Variants in CD72 observed in about 807,000 individuals in gnomAD.
The protein encoded by CD72 is B-cell differentiation antigen CD72.
A neutral mutation model predicts 50.7 loss-of-function variants in CD72; 28 were observed. The observed-to-expected ratio is 0.55, with a 90% CI of 0.41 to 0.76. The LOEUF (loss-of-function observed/expected upper bound fraction) is 0.76, where lower values mean the gene tolerates loss of function less well. Among genes scored for constraint, CD72 ranks in the 30% least tolerant of loss-of-function variants. The pLI is 0.00. For synonymous variants in CD72, 176 were observed against 171.2 expected, an observed-to-expected ratio of 1.03 and a Z score of -0.22; for missense variants, 403 against 420.6, an observed-to-expected ratio of 0.96 and a Z score of 0.37.
chr9:35,616,252 G>C lies in CD72; in HGVS notation c.379C>G (p.Gln127Glu), dbSNP rs779598765. 3 of 1,613,798 alleles carry C rather than the reference G, an allele frequency of 1.9e-6. No homozygotes were observed. The South Asian group carries it at 3.3e-5, about 18-fold the overall frequency. ...GTGACTTCCAGAACCCTGTTCGTCT[G>C]CTGGAGCTGCTGAGACACCTGCAGA... ...RYLQVSQQLQQTNRVLEVTNS... is the reference protein window; with the variant it reads ...RYLQVSQQLQETNRVLEVTNS... Residue 127 changes from glutamine to glutamate, a missense_variant, in exon 5 of 9, where the codon CAG (glutamine) becomes GAG (glutamate). Gln to Glu is a conservative substitution (Grantham distance 29, BLOSUM62 2). Transcript: ENST00000259633.
intron 1 of CD72, among the ~76,000 whole-genome samples, chr9:35,645,060 G>T (rs1199370812): frequency 1.3e-5 from 2 of 150,370 alleles, no homozygotes; most frequent in African/African-American, 4.8e-5. Context: ...TAAGCCGGGG[G>T]TGGTGGAGCA....
intron 1 of CD72, among the ~76,000 whole-genome samples, chr9:35,644,051 A>AT (rs1823363991): frequency 6.6e-6 from 1 of 151,868 alleles, no homozygotes; most frequent in Non-Finnish European, 1.5e-5. Context: ...GGAAAAAAAA[A>AT]AAAAAGAAAG....
At chr9:35,641,546 C>T (rs1336483707) in intron 1 of CD72, among the ~76,000 whole-genome samples, 1 of 152,110 alleles carries the variant, frequency 6.6e-6, no homozygotes, top group African/African-American at 2.4e-5. Context: ...CATTGGTTAG[C>T]TGCAGGCATA....
At chr9:35,619,000 A>C (rs1170046416), upstream of CD72, 1 of 296,530 alleles carries the variant, frequency 3.4e-6, no homozygotes, top group East Asian at 9.7e-5. Flanking sequence ...GGGCTTAAGA[A>C]GGCTGCAGCT....
In CD72 at chr9:35,637,889, T is replaced by C. The variant is rs188724303; in HGVS notation, n.408+8514A>G. Among the ~76,000 whole-genome samples the C allele has an allele frequency of 1.9e-4, 29 of 152,214 alleles. No individual in the cohort carries two copies. The East Asian group carries it at 3.9e-3, about 20-fold the overall frequency. ...CGTGTCTCTACCTTTCTCTTTAAAC[T>C]TACCTCCTTCACTATGGGCAACCTT... On this transcript the variant is annotated intron_variant and non_coding_transcript_variant, in intron 1 of 3. Coordinates refer to the CD72 transcript ENST00000465754.
upstream of CD72, among the ~76,000 whole-genome samples, chr9:35,619,735 G>T (rs1823126828): frequency 6.6e-6 from 1 of 152,218 alleles, no homozygotes. Context: ...GAGGTGAGCG[G>T]CTATGTCAGA....
chr9:35,645,199 CAAAAAAAA>C (rs539705878), intron 1 of CD72, among the ~76,000 whole-genome samples: 1 of 95,142 alleles, frequency 1.1e-5, no homozygotes, highest in African/African-American at 5.1e-5. Context: ...AACTCCGTCT[CAAAAAAAA>C]AAAAAAAAAG....
intron 6 of CD72, 152 bp downstream of exon 6, chr9:35,612,696 G>C: frequency 1.4e-6 from 1 of 715,950 alleles, no homozygotes; most frequent in Non-Finnish European, 2.4e-6. Context: ...TTGTTTCCAA[G>C]CTCAGAGGTC....
upstream of CD72, among the ~76,000 whole-genome samples, chr9:35,623,233 T>G (rs570830658): frequency 6.6e-5 from 10 of 152,368 alleles, no homozygotes; most frequent in South Asian, 2.1e-3. Flanking sequence ...GGTTAACAAT[T>G]GTTTATGTAA....
chr9:35,616,187 C>A lies in CD72; in HGVS notation c.444G>T (p.Thr148=). The change falls in exon 5 of 9, where the codon ACG becomes ACT. Residue 148 remains threonine, a synonymous_variant. Transcript: ENST00000259633. ...GATCCTCTGCACTCTGTCCCAGCTG[C>A]GTTATCTTGAGGCGGAGCTGCTGCC... ...SLRQQLRLKI[T]QLGQSAEDLQ... 2 of 1,614,152 alleles carry A rather than the reference C, an allele frequency of 1.2e-6. No homozygotes were observed. The highest frequency in any genetic ancestry group is 1.3e-5 in the African/African-American group (1 of 75,050).
chr9:35,617,523 C>T (rs1245859248), intron 2 of CD72, among the ~76,000 whole-genome samples: 1 of 152,078 alleles, frequency 6.6e-6, no homozygotes, highest in African/African-American at 2.4e-5. Context: ...TCTGTCGGCT[C>T]CAAACCCTCT....
At chr9:35,639,191 T>A (rs1823317833) in intron 1 of CD72, among the ~76,000 whole-genome samples, 1 of 151,914 alleles carries the variant, frequency 6.6e-6, no homozygotes, top group East Asian at 1.9e-4. Flanking sequence ...ACTAAGTAAA[T>A]TTTTTTTCCC....
intron 1 of CD72, among the ~76,000 whole-genome samples, chr9:35,637,379 G>A (rs1346700908): frequency 2.6e-5 from 4 of 152,176 alleles, no homozygotes; most frequent in Non-Finnish European, 4.4e-5. Context: ...GGACTCCTTC[G>A]GGAGGCGGGT....
chr9:35,634,212 G>A (rs1465517691), intron 1 of CD72, among the ~76,000 whole-genome samples: 3 of 151,808 alleles, frequency 2.0e-5, no homozygotes, highest in Admixed American at 1.3e-4. Context: ...TTAATTTGGA[G>A]TTTGTCATTC....
At chr9:35,619,152 C>T (rs1283821514), upstream of CD72, among the ~76,000 whole-genome samples, 1 of 152,150 alleles carries the variant, frequency 6.6e-6, no homozygotes, top group African/African-American at 2.4e-5. Flanking sequence ...TTTAAAAAGT[C>T]CCAAAGCTGT....
rs552629729 is a variant in CD72, at chr9:35,625,164, T to A, written n.409-7043A>T. Among the ~76,000 whole-genome samples the A allele has an allele frequency of 2.0e-5, 3 of 152,238 alleles. No homozygotes were observed. The South Asian group carries it at 6.2e-4, about 32-fold the overall frequency. On this transcript the variant is annotated intron_variant and non_coding_transcript_variant, in intron 1 of 3. Transcript: ENST00000465754. ...AAGATAGGCCAAAAGCTAGGCCTCT[T>A]ATGCCAGTTAGCCAAGTTGCAAATG...
chr9:35,645,004 C>T (rs926770111), intron 1 of CD72, among the ~76,000 whole-genome samples: 2 of 150,588 alleles, frequency 1.3e-5, no homozygotes, highest in African/African-American at 4.9e-5. Flanking sequence ...GAGTTCCAGA[C>T]CAGTCTGACC....
Position 35,616,623 on chromosome 9 carries a change from G to A in CD72, c.329C>T (p.Thr110Ile), listed in dbSNP as rs1190873979. ...ACAGCGCACTCCCAGGCAGATGGCG[G>A]TCACTCCTAACAGCAGGCAGGTGAG... is the stretch of plus-strand genomic sequence containing the variant. Reference protein sequence around the residue: ...LLLTCLLLGVTAICLGVRYLQ... With the variant: ...LLLTCLLLGVIAICLGVRYLQ... Residue 110 changes from threonine to isoleucine, a missense_variant, in exon 4 of 9, where the codon ACC becomes ATC. By Grantham distance (89) the Thr-to-Ile change is moderately conservative (BLOSUM62 -1). Transcript: ENST00000259633. The A allele has an allele frequency of 6.2e-7, 1 of 1,614,012 alleles. No homozygotes were observed. Among genetic ancestry groups the A allele is most frequent in the Admixed American group, 1.7e-5 (1 of 60,022 alleles).
rs1587898506 is a variant in CD72, at chr9:35,610,220, C to G, written c.*103G>C. ...TGGGTCAGCCGGTGGCTGGGCACTGCCCAGAATGAAGGAGATGGTCTGAGG... is the reference window on the plus strand; with the variant it reads ...TGGGTCAGCCGGTGGCTGGGCACTGGCCAGAATGAAGGAGATGGTCTGAGG... On this transcript the variant is annotated 3_prime_UTR_variant, in exon 9 of 9. Transcript: ENST00000259633. 2 of 200,070 alleles carry G rather than the reference C, an allele frequency of 1.0e-5. No homozygotes were observed. Among genetic ancestry groups the G allele is most frequent in the Non-Finnish European group, 2.0e-5 (2 of 99,610 alleles). The allele number at this position is 200,070 out of a possible 1,614,324, so 12.4% of individuals were successfully genotyped here.
Sources: gnomAD v4.1 joint callset for allele counts (sites outside exome capture counted in the v4.1 genomes callset) on GRCh38, gnomAD v4.1.1 for gene constraint, MANE v1.5 for transcripts, NCBI Gene and HGNC (gene_info 2026-07-23, HGNC 2026-07-21) for gene names.